The following SVEP1 variants were observed in gnomAD, a reference collection of about 807,000 sequenced individuals.
SVEP1 encodes the protein sushi, von Willebrand factor type A, EGF and pentraxin domain-containing protein 1.
In SVEP1, 164 loss-of-function variants were observed where a neutral mutation model predicts 367.3. That is an observed-to-expected ratio of 0.45 (90% confidence interval 0.39 to 0.51). SVEP1 has a LOEUF of 0.51. Among genes scored for constraint, SVEP1 ranks in the 20% least tolerant of loss-of-function variants. The pLI is 0.00. For missense variants in SVEP1, 4,117 were observed against 4,425.3 expected, an observed-to-expected ratio of 0.93 and a Z score of 1.98; for synonymous variants, 1,666 against 1,611.6, an observed-to-expected ratio of 1.03 and a Z score of -0.81.
intron 1 of SVEP1, among the ~76,000 whole-genome samples, chr9:110,569,788 G>T (rs1294667067): frequency 6.6e-6 from 1 of 152,090 alleles, no homozygotes; most frequent in African/African-American, 2.4e-5. Context: ...CTATCTTCAA[G>T]CTTACAGCTT....
intron 39 of SVEP1, among the ~76,000 whole-genome samples, chr9:110,403,323 T>G (rs940215814): frequency 1.4e-5 from 2 of 145,516 alleles, no homozygotes; most frequent in East Asian, 2.0e-4. Context: ...TTTTTTTTTT[T>G]GACACGGAGT....
intron 40 of SVEP1, among the ~76,000 whole-genome samples, chr9:110,394,746 G>T (rs1405353124): frequency 1.3e-5 from 2 of 152,068 alleles, no homozygotes; most frequent in Non-Finnish European, 2.9e-5. Context: ...GGAAGAAAGG[G>T]TATCAGTGAT....
chr9:110,377,360 C>G lies in SVEP1; in HGVS notation c.10415G>C (p.Cys3472Ser). 6.2e-7 allele frequency: 1 copy of G among 1,613,604 alleles called. No homozygotes were observed. The highest frequency in any genetic ancestry group is 8.5e-7 in the Non-Finnish European group (1 of 1,179,658). The stretch of plus-strand genomic sequence containing the variant: ...GCCCCCATTCTGACATGGAAATCGA[C>G]AGACAGCTGGAAAAGAAGCAGGATG... ...WTSPPICRAV[C>S]RFPCQNGGIC... Residue 3472 changes from cysteine (C) to serine (S), a missense_variant, in exon 45 of 48, where the codon TGT becomes TCT. Physicochemically the swap from Cys to Ser is moderately radical, Grantham distance 112 (BLOSUM62 -1). Around this residue, in one of 4 missense-constraint regions of SVEP1, gnomAD observed 1,765 missense variants for 1,781.1 expected, o/e 0.99. Coordinates refer to ENST00000374469, the MANE Select transcript of SVEP1 (RefSeq NM_153366.4).
chr9:110,429,863 C>T lies in SVEP1; in HGVS notation c.5615+57G>A, dbSNP rs140747817. 9.2e-5 allele frequency: 133 copies of T among 1,443,550 alleles called. No individual in the cohort carries two copies. In the African/African-American group the frequency reaches 1.7e-3, roughly 18 times the overall value. The allele number at this position is 1,443,550 out of a possible 1,614,324, so 89.4% of individuals were successfully genotyped here. On this transcript the variant is annotated intron_variant, in intron 34 of 47. Coordinates refer to ENST00000374469, the MANE Select transcript of SVEP1 (RefSeq NM_153366.4). ...CACCCCCTTTCTTTCAGTGTTATAT[C>T]ACTACCAGTATGCCATCAACATCTT... is the stretch of plus-strand genomic sequence containing the variant.
intron 24 of SVEP1, among the ~76,000 whole-genome samples, chr9:110,448,862 G>A (rs2118605957): frequency 6.6e-6 from 1 of 152,340 alleles, no homozygotes; most frequent in African/African-American, 2.4e-5. Flanking sequence ...GTAGGTGAAA[G>A]TCTCATTGGC....
intron 36 of SVEP1, among the ~76,000 whole-genome samples, chr9:110,413,132 G>A (rs1416978358): frequency 4.9e-5 from 7 of 141,984 alleles, no homozygotes; most frequent in Admixed American, 1.4e-4. Context: ...CAAAGACTTG[G>A]AACCAACCCA....
Position 110,512,968 on chromosome 9 carries a change from G to A in SVEP1, c.1261C>T (p.Leu421=), listed in dbSNP as rs943902829. The A allele has an allele frequency of 1.9e-6, 3 of 1,613,864 alleles. No homozygotes were observed. Among genetic ancestry groups the A allele is most frequent in the African/African-American group, 1.3e-5 (1 of 74,910 alleles). ...GAACCGGACCACAAACCATTGGGTA[G>A]ACATAAGATGATGCTGCTTCCCACA... ...DLVGSSIILC[L]PNGLWSGSES... is the part of the protein sequence containing the mutation. The change falls in exon 5 of 48, where the codon CTA becomes TTA. Residue 421 remains leucine, a synonymous_variant. Transcript: ENST00000374469.
rs763342957 is a variant in SVEP1, at chr9:110,427,623, G to C, written c.5943C>G (p.Phe1981Leu). The C allele has an allele frequency of 5.0e-6, 8 of 1,613,822 alleles. No individual in the cohort carries two copies. The Admixed American group carries it at 1.3e-4, about 27-fold the overall frequency. ...DAVITGNNFT[F>L]RNTVTYTCKE... The stretch of plus-strand genomic sequence containing the variant: ...TGCAAGTGTAAGTGACGGTGTTCCT[G>C]AAAGTGAAGTTATTCCCCGTAATGA... Residue 1981 changes from phenylalanine to leucine, a missense_variant, in exon 36 of 48, where the codon TTC becomes TTG. By Grantham distance (22) the Phe-to-Leu change is conservative (BLOSUM62 0). Transcript: ENST00000374469.
At chr9:110,456,405 C>T (rs1456746768) in intron 21 of SVEP1, among the ~76,000 whole-genome samples, 1 of 152,080 alleles carries the variant, frequency 6.6e-6, no homozygotes, top group Non-Finnish European at 1.5e-5. Context: ...AATTCCCAAA[C>T]AAGATCCTTT....
At position 110,579,496 on chromosome 9, in the gene SVEP1, C is replaced by T. The variant is rs775969127; in HGVS notation, c.48G>A (p.Ser16=). ...AFCCWGLALV[S]GWATFQQMSP... is the part of the protein sequence containing the mutation. Reference sequence around the variant, plus strand: ...ACATCTGCTGAAAGGTCGCCCAGCCCGAAACGAGCGCCAGACCCCAGCAAC... The same window carrying T: ...ACATCTGCTGAAAGGTCGCCCAGCCTGAAACGAGCGCCAGACCCCAGCAAC... Residue 16 remains serine (S), a synonymous_variant, in exon 1 of 48, where the codon TCG becomes TCA. Coordinates refer to ENST00000374469, the MANE Select transcript of SVEP1 (RefSeq NM_153366.4). The surrounding 1 kb of genome is among the most constrained non-coding windows in gnomAD (Gnocchi z 5.3). 2 of 1,605,214 alleles carry T rather than the reference C, an allele frequency of 1.2e-6. No homozygotes were observed. Among genetic ancestry groups the T allele is most frequent in the Non-Finnish European group, 1.7e-6 (2 of 1,177,038 alleles).
chr9:110,491,590 G>GGGGTGTGTGT (rs76905358), intron 8 of SVEP1, among the ~76,000 whole-genome samples: 18 of 147,836 alleles, frequency 1.2e-4, no homozygotes, highest in African/African-American at 4.5e-4. Flanking sequence ...TATAGAATGG[G>GGGGTGTGTGT]GTGTGTGTGT....
intron 18 of SVEP1, among the ~76,000 whole-genome samples, chr9:110,462,790 C>T (rs1320141309): frequency 6.6e-6 from 1 of 151,616 alleles, no homozygotes; most frequent in Non-Finnish European, 1.5e-5. Flanking sequence ...ACAAACAGTG[C>T]ATGGAAATGA....
chr9:110,528,068 G>A (rs1273458386), intron 3 of SVEP1, among the ~76,000 whole-genome samples: 2 of 87,710 alleles, frequency 2.3e-5, no homozygotes, highest in Admixed American at 3.0e-4. Flanking sequence ...GTATTCCATG[G>A]TGTATGTATA....
chr9:110,466,798 A>G (rs1287922496), intron 17 of SVEP1, among the ~76,000 whole-genome samples: 1 of 150,952 alleles, frequency 6.6e-6, no homozygotes, highest in African/African-American at 2.4e-5. Flanking sequence ...GCTCTAAATA[A>G]GAACCGGCTC....
chr9:110,385,402 C>T (rs1827505027), intron 43 of SVEP1, among the ~76,000 whole-genome samples: 1 of 152,356 alleles, frequency 6.6e-6, no homozygotes, highest in African/African-American at 2.4e-5. Flanking sequence ...ACCTATAGTG[C>T]TGGTGCTAGC....
chr9:110,392,236 G>C (rs1827669697), intron 40 of SVEP1, among the ~76,000 whole-genome samples: 1 of 149,664 alleles, frequency 6.7e-6, no homozygotes, highest in Admixed American at 6.7e-5. Context: ...TCTAAACTTA[G>C]GTTCCTTCTC....
At chr9:110,532,296 A>G (rs1459435048) in intron 3 of SVEP1, among the ~76,000 whole-genome samples, 2 of 152,172 alleles carry the variant, frequency 1.3e-5, no homozygotes, top group Non-Finnish European at 2.9e-5. Flanking sequence ...GTGTGAACAG[A>G]GAGAAGATAT....
chr9:110,499,085 G>C lies in SVEP1; in HGVS notation c.1637C>G (p.Thr546Ser). 6.2e-7 allele frequency: 1 copy of C among 1,613,764 alleles called. No individual in the cohort carries two copies. Among genetic ancestry groups the C allele is most frequent in the Non-Finnish European group, 8.5e-7 (1 of 1,179,802 alleles). Residue 546 changes from threonine (T) to serine (S), a missense_variant, in exon 7 of 48, where the codon ACT becomes AGT. By Grantham distance (58) the Thr-to-Ser change is moderately conservative. Transcript: ENST00000374469. Reference sequence around the variant, plus strand: ...AACTCCGACATTCCATTTTCCAGAAGTGGTACATCTCAGCATTTCTTTGAC... The same window carrying C: ...AACTCCGACATTCCATTTTCCAGAACTGGTACATCTCAGCATTTCTTTGAC... ...SGVKEMLRCT[T>S]SGKWNVGVQA... is the part of the protein sequence containing the mutation.
intron 3 of SVEP1, among the ~76,000 whole-genome samples, chr9:110,536,124 TC>T (rs2118826212): frequency 6.6e-6 from 1 of 152,176 alleles, no homozygotes; most frequent in East Asian, 1.9e-4. Flanking sequence ...GAGGTATGCT[TC>T]TTCAATATCA....
Sources: allele counts gnomAD v4.1 joint callset (sites outside exome capture counted in the v4.1 genomes callset), GRCh38; gene constraint gnomAD v4.1.1; regional missense constraint gnomAD v4.1.1; non-coding constraint Gnocchi (gnomAD v3.1); transcripts MANE v1.5; gene names NCBI Gene and HGNC (gene_info 2026-07-23, HGNC 2026-07-21).